The following MCM10 variants were observed in gnomAD, a reference collection of about 807,000 sequenced individuals.
MCM10 encodes the protein protein MCM10 homolog.
In MCM10, 91 loss-of-function variants were observed where a neutral mutation model predicts 109.9. That is an observed-to-expected ratio of 0.83 (90% CI 0.70 to 0.99). The LOEUF is 0.99. Among genes scored for constraint, MCM10 ranks in the 50% least tolerant of loss-of-function variants. The pLI, the probability that MCM10 is intolerant of heterozygous loss-of-function variation, is 0.00. For synonymous variants in MCM10, 380 were observed against 387.2 expected (o/e 0.98, Z 0.22); for missense variants, 1,077 against 1,061.2 (o/e 1.01, Z -0.21).
chr10:13,209,058 C>T (rs1834623092), intron 18 of MCM10, 33 bp from the exon 19 acceptor site: 1 of 1,569,150 alleles, frequency 6.4e-7, no homozygotes, highest in African/African-American at 1.3e-5. Flanking sequence ...GCCTACACCA[C>T]CCTGCTGAGT....
chr10:13,208,544 A>G (rs952846682), intron 18 of MCM10, among the ~76,000 whole-genome samples: 2 of 147,934 alleles, frequency 1.4e-5, no homozygotes, highest in African/African-American at 5.0e-5. Context: ...AGCGTGGGCA[A>G]CATAGCAAAA....
intron 2 of MCM10, among the ~76,000 whole-genome samples, chr10:13,166,528 G>A (rs549312860): frequency 1.6e-4 from 24 of 151,646 alleles, no homozygotes; most frequent in South Asian, 6.2e-4. Flanking sequence ...CCAGCTACTC[G>A]GGAGGCTGAG....
intron 1 of MCM10, among the ~76,000 whole-genome samples, chr10:13,163,080 A>G (rs1271619711): frequency 6.6e-6 from 1 of 151,946 alleles, no homozygotes; most frequent in Admixed American, 6.6e-5. Flanking sequence ...GTCTCAAAAA[A>G]AAAAAAAAGC....
chr10:13,172,236 T>A lies in MCM10; in HGVS notation c.350-140T>A. ...CTCTTTGAAGTACCAAAGTTAATCA[T>A]GAGCTTTGGGTATGTGATTATATTG... On this transcript the variant is annotated intron_variant, in intron 3 of 19. Coordinates refer to ENST00000378714, the MANE Select transcript of MCM10 (RefSeq NM_018518.5). This position sits in a 1 kb window ranked among gnomAD's most constrained non-coding sequence, Gnocchi z 5.2. 2 of 658,982 alleles carry A rather than the reference T, an allele frequency of 3.0e-6. No homozygotes were observed. Among genetic ancestry groups the A allele is most frequent in the East Asian group, 2.6e-5 (1 of 39,064 alleles). The allele number at this position is 658,982 out of a possible 1,614,324, so 40.8% of individuals were successfully genotyped here.
intron 3 of MCM10, 135 bp downstream of exon 3, chr10:13,171,398 G>A: frequency 1.2e-6 from 1 of 860,186 alleles, no homozygotes; most frequent in South Asian, 1.9e-5. Context: ...AAAAAAGAAA[G>A]AAAATTATAT....
intron 5 of MCM10, 76 bp from the exon 6 acceptor site, chr10:13,175,434 C>T (rs1219794082): frequency 1.0e-5 from 13 of 1,296,702 alleles, no homozygotes; most frequent in Admixed American, 6.8e-5. Flanking sequence ...GGAACAAATC[C>T]GTAAAAACAA....
At position 13,201,427 on chromosome 10, in the gene MCM10, G is replaced by A. The variant is rs1002242200; in HGVS notation, c.2245G>A (p.Ala749Thr). ...KHTGILKEAE[A>T]EMQERYFEPL... ...TTATGCCCTGTCATTCCAGGCCGAGGCTGAGATGCAGGAGCGCTACTTTGA... is the reference window on the plus strand; with the variant it reads ...TTATGCCCTGTCATTCCAGGCCGAGACTGAGATGCAGGAGCGCTACTTTGA... The change falls in exon 17 of 20, where the codon GCT becomes ACT. Residue 749 changes from alanine to threonine, a missense_variant. Physicochemically the swap from Ala to Thr is moderately conservative, Grantham distance 58. Coordinates refer to ENST00000378714, the MANE Select transcript of MCM10 (RefSeq NM_018518.5). The A allele has an allele frequency of 6.2e-7, 1 of 1,610,876 alleles. No individual in the cohort carries two copies. The highest frequency in any genetic ancestry group is 8.5e-7 in the Non-Finnish European group (1 of 1,177,998).
chr10:13,200,071 T>A (rs1834477065), intron 16 of MCM10, among the ~76,000 whole-genome samples: 1 of 152,210 alleles, frequency 6.6e-6, no homozygotes, highest in Non-Finnish European at 1.5e-5. Flanking sequence ...GCTCAAGTGA[T>A]GTTCCCACCT....
chr10:13,182,001 C>T lies in MCM10; in HGVS notation c.931-932C>T, dbSNP rs141402487. Among the ~76,000 whole-genome samples, 7 of 152,226 alleles carry T rather than the reference C, an allele frequency of 4.6e-5. No individual in the cohort carries two copies. Among genetic ancestry groups the T allele is most frequent in the East Asian group, 3.9e-4 (2 of 5,182 alleles). On this transcript the variant is annotated intron_variant, in intron 7 of 19. Coordinates refer to ENST00000378714, the MANE Select transcript of MCM10 (RefSeq NM_018518.5). This position sits in a 1 kb window ranked among gnomAD's most constrained non-coding sequence, Gnocchi z 4.2. ...ACAGTATTCTGGTTTTAAAAACAACCGTAAAAGTGGAGGTTTTTCACATTA... is the reference window on the plus strand; with the variant it reads ...ACAGTATTCTGGTTTTAAAAACAACTGTAAAAGTGGAGGTTTTTCACATTA...
At chr10:13,170,336 G>A (rs933663227) in intron 2 of MCM10, among the ~76,000 whole-genome samples, 6 of 151,882 alleles carry the variant, frequency 4.0e-5, no homozygotes, top group Admixed American at 2.0e-4. Context: ...TGGGTGATGG[G>A]ATCTTAGTAT....
intron 2 of MCM10, among the ~76,000 whole-genome samples, chr10:13,170,647 G>A (rs1834057681): frequency 1.3e-5 from 2 of 152,250 alleles, no homozygotes; most frequent in South Asian, 2.1e-4. Flanking sequence ...CAAAGACCAG[G>A]CAAAATGGTG....
intron 9 of MCM10, among the ~76,000 whole-genome samples, chr10:13,187,902 T>C (rs182939165): frequency 6.6e-6 from 1 of 152,276 alleles, no homozygotes; most frequent in Non-Finnish European, 1.5e-5. Flanking sequence ...CCCTGCACTT[T>C]GGGTGGCCGA....
chr10:13,192,417 C>T (rs1477538251), intron 12 of MCM10, 34 bp from the exon 13 acceptor site: 1 of 1,613,128 alleles, frequency 6.2e-7, no homozygotes, highest in East Asian at 2.2e-5. Flanking sequence ...CTCAGCCTCC[C>T]AGGGCACCCC....
intron 18 of MCM10, among the ~76,000 whole-genome samples, chr10:13,205,002 G>GTATATATATATATATA (rs576376587): frequency 1.5e-4 from 1 of 6,684 alleles, no homozygotes; most frequent in Non-Finnish European, 3.3e-4. Flanking sequence ...ATGTATGTAT[G>GTATATATATATATATA]TATATATATA....
chr10:13,165,958 G>C (rs1445645079), intron 2 of MCM10, among the ~76,000 whole-genome samples: 3 of 151,698 alleles, frequency 2.0e-5, no homozygotes, highest in African/African-American at 7.3e-5. Context: ...TCACAATTTG[G>C]CCGGTGTAGA....
Position 13,193,393 on chromosome 10 carries a change from TGCGGTTCACAGGCACTTCATACG to T in MCM10, c.1745+826_1745+848del, listed in dbSNP as rs1431577236. Among the ~76,000 whole-genome samples the T allele has an allele frequency of 2.9e-3, 437 of 152,116 alleles. 4 individuals carry two copies. The highest frequency in any genetic ancestry group is 9.5e-3 in the African/African-American group (395 of 41,478). On this transcript the variant is annotated intron_variant, in intron 13 of 19. Transcript: ENST00000378714. ...AGGTCACCTGAATACTAATGAGAGC[TGCGGTTCACAGGCACTTCATACG>T]TACTCCATAAACACAGTATCTGAGC... is the stretch of plus-strand genomic sequence containing the variant.
chr10:13,206,889 T>G (rs1834589304), intron 18 of MCM10, among the ~76,000 whole-genome samples: 1 of 152,016 alleles, frequency 6.6e-6, no homozygotes, highest in Admixed American at 6.6e-5. Flanking sequence ...ATTGCAGCCT[T>G]GAACTCATGG....
In MCM10 at chr10:13,168,256, G is replaced by A. The variant is rs184088763; in HGVS notation, c.8-2666G>A. Among the ~76,000 whole-genome samples the A allele has an allele frequency of 1.9e-3, 284 of 152,336 alleles. 1 individual carries two copies. Among genetic ancestry groups the A allele is most frequent in the Non-Finnish European group, 3.0e-3 (207 of 68,028 alleles). On this transcript the variant is annotated intron_variant, in intron 2 of 19. Transcript: ENST00000378714. Reference sequence around the variant, plus strand: ...CCTGGCCTCTTCTCTCTTGCACTGTGCAGCCTTGGAGTCTTTGTGGACTAA... The same window carrying A: ...CCTGGCCTCTTCTCTCTTGCACTGTACAGCCTTGGAGTCTTTGTGGACTAA...
chr10:13,178,478 GC>G (rs1834169720), intron 6 of MCM10, among the ~76,000 whole-genome samples: 1 of 152,178 alleles, frequency 6.6e-6, no homozygotes, highest in South Asian at 2.1e-4. Flanking sequence ...AGTTTTCCCT[GC>G]ACCATTTGTT....
Sources: allele counts gnomAD v4.1 joint callset (sites outside exome capture counted in the v4.1 genomes callset), GRCh38; gene constraint gnomAD v4.1.1; non-coding constraint Gnocchi (gnomAD v3.1); transcripts MANE v1.5; gene names NCBI Gene and HGNC (gene_info 2026-07-23, HGNC 2026-07-21).